Variants in RIC1 observed in about 807,000 individuals in gnomAD.
The protein encoded by RIC1 is RIC1 partner of RAB6A GEF complex.
Under a neutral mutation model 169.0 loss-of-function variants are expected in RIC1, and 88 were observed. The observed-to-expected ratio is 0.52, with a 90% CI of 0.44 to 0.62. The LOEUF (loss-of-function observed/expected upper bound fraction) is 0.62. RIC1 is among the 20% of genes least tolerant of loss of function. The probability of loss-of-function intolerance (pLI) is 0.00; values close to 1 mark genes in which losing one functional copy is unlikely to be tolerated. For synonymous variants in RIC1, 790 were observed against 601.5 expected (o/e 1.31, Z -4.59); for missense variants, 1,877 against 1,725.5 (o/e 1.09, Z -1.56).
chr9:5,771,101 T>G (rs1309492043), intron 23 of RIC1, among the ~76,000 whole-genome samples: 1 of 152,154 alleles, frequency 6.6e-6, no homozygotes, highest in African/African-American at 2.4e-5. Flanking sequence ...AGCTTAACCG[T>G]TTTTAAGCAG....
intron 6 of RIC1, among the ~76,000 whole-genome samples, chr9:5,721,698 T>G (rs1823599839): frequency 6.6e-6 from 1 of 152,226 alleles, no homozygotes; most frequent in Non-Finnish European, 1.5e-5. Context: ...AACTCCTGTC[T>G]CTGTCAGTAT....
intron 6 of RIC1, among the ~76,000 whole-genome samples, chr9:5,730,964 A>G (rs891291224): frequency 3.7e-4 from 57 of 152,232 alleles, no homozygotes; most frequent in African/African-American, 1.2e-3. Context: ...CATGCCAGAA[A>G]TGCTCCTACA....
At chr9:5,643,914 G>C (rs1034008359) in intron 1 of RIC1, among the ~76,000 whole-genome samples, 2 of 152,154 alleles carry the variant, frequency 1.3e-5, no homozygotes, top group African/African-American at 4.8e-5. Context: ...AATCAGAGAG[G>C]TTTCTTACCT....
intron 2 of RIC1, among the ~76,000 whole-genome samples, chr9:5,660,357 G>C (rs1819380317): frequency 6.6e-6 from 1 of 152,030 alleles, no homozygotes; most frequent in African/African-American, 2.4e-5. Context: ...TTATATTTTG[G>C]GGGGTATACC....
chr9:5,763,201 G>A lies in RIC1; in HGVS notation c.2174G>A (p.Arg725Gln), dbSNP rs984756545. The A allele has an allele frequency of 7.4e-6, 12 of 1,613,894 alleles. No individual in the cohort carries two copies. The highest frequency in any genetic ancestry group is 5.0e-5 in the Admixed American group (3 of 59,982). ...QSVENVWTTC[R>Q]ANKQKRHLLE... ...GTTGAAAATGTCTGGACAACGTGTC[G>A]AGCAAATAAACAGAAACGTCACCTT... Residue 725 changes from arginine (R) to glutamine (Q), a missense_variant, in exon 19 of 26, where the codon CGA becomes CAA. Physicochemically the swap from Arg to Gln is conservative, Grantham distance 43 (BLOSUM62 1). Around this residue, in one of 3 missense-constraint regions of RIC1, gnomAD observed 1,104 missense variants for 992.0 expected, o/e 1.11. Coordinates refer to ENST00000414202, the MANE Select transcript of RIC1 (RefSeq NM_020829.4). The surrounding 1 kb of genome is among the most constrained non-coding windows in gnomAD (Gnocchi z 5.2).
At chr9:5,655,391 C>G (rs892309941) in intron 1 of RIC1, among the ~76,000 whole-genome samples, 2 of 152,292 alleles carry the variant, frequency 1.3e-5, no homozygotes, top group South Asian at 2.1e-4. Context: ...ACCTCCACCT[C>G]TCAGGTTCAA....
chr9:5,644,043 G>A (rs1818382232), intron 1 of RIC1, among the ~76,000 whole-genome samples: 1 of 151,410 alleles, frequency 6.6e-6, no homozygotes, highest in Admixed American at 6.6e-5. Flanking sequence ...GGATATTATT[G>A]TAGATAATAC....
At chr9:5,651,121 C>G (rs1346803825) in intron 1 of RIC1, among the ~76,000 whole-genome samples, 1 of 152,176 alleles carries the variant, frequency 6.6e-6, no homozygotes, top group Non-Finnish European at 1.5e-5. Flanking sequence ...CTCTGGACCC[C>G]CTCTCTGTAA....
Position 5,765,505 on chromosome 9 carries a change from T to C in RIC1, c.2933T>C (p.Met978Thr). The C allele has an allele frequency of 6.2e-7, 1 of 1,614,200 alleles. No individual in the cohort carries two copies. The highest frequency in any genetic ancestry group is 8.5e-7 in the Non-Finnish European group (1 of 1,180,002). The change falls in exon 20 of 26, where the codon ATG becomes ACG. Residue 978 changes from methionine to threonine, a missense_variant. Met to Thr is a moderately conservative substitution (Grantham distance 81). Transcript: ENST00000414202. ...GGCAAGTGGGACCTTTGTCGACACA[T>C]GATTCGATTTCTTAAAGCCATTGGC... ...EQGKWDLCRHMIRFLKAIGSG... is the reference protein window; with the variant it reads ...EQGKWDLCRHTIRFLKAIGSG...
chr9:5,708,479 C>G (rs1312676230), intron 3 of RIC1, among the ~76,000 whole-genome samples: 1 of 152,088 alleles, frequency 6.6e-6, no homozygotes, highest in East Asian at 1.9e-4. Context: ...GACAAATTCC[C>G]TCAACTTTTT....
intron 3 of RIC1, among the ~76,000 whole-genome samples, chr9:5,712,044 A>C (rs1178971340): frequency 1.3e-5 from 2 of 152,144 alleles, no homozygotes; most frequent in Admixed American, 1.3e-4. Context: ...ATACATGCGC[A>C]TGTGTCTTTA....
intron 2 of RIC1, among the ~76,000 whole-genome samples, chr9:5,671,810 G>A (rs891475853): frequency 1.3e-5 from 2 of 152,158 alleles, no homozygotes; most frequent in Non-Finnish European, 2.9e-5. Context: ...AAGAATAGGT[G>A]CTGAAGGACC....
Position 5,635,188 on chromosome 9 carries a change from C to T in RIC1, c.144+5735C>T, listed in dbSNP as rs183256279. On this transcript the variant is annotated intron_variant, in intron 1 of 25. Transcript: ENST00000414202. ...AGAGATGTGGTCTTGCTGTGTTGCC[C>T]AGGCCGGTCTCAGACTCCTGGACAC... 2.0e-5 allele frequency among the ~76,000 whole-genome samples: 3 copies of T among 152,202 alleles called. No individual in the cohort carries two copies. The East Asian group carries it at 5.8e-4, about 29-fold the overall frequency.
chr9:5,733,117 A>G (rs1397911529), intron 7 of RIC1, among the ~76,000 whole-genome samples: 4 of 151,980 alleles, frequency 2.6e-5, no homozygotes, highest in African/African-American at 7.3e-5. Context: ...ATGCCTTGCA[A>G]TGTATATAGT....
intron 1 of RIC1, among the ~76,000 whole-genome samples, chr9:5,645,049 T>C (rs1818434395): frequency 6.6e-6 from 1 of 152,208 alleles, no homozygotes; most frequent in African/African-American, 2.4e-5. Flanking sequence ...TATTAGCCAT[T>C]TCGCTATACC....
At chr9:5,689,848 G>A in intron 2 of RIC1, 111 bp from the exon 3 acceptor site, 3 of 643,954 alleles carry the variant, frequency 4.7e-6, no homozygotes, top group Non-Finnish European at 7.9e-6. Flanking sequence ...CTCCAAGGGA[G>A]GGTATTGGAG....
intron 2 of RIC1, among the ~76,000 whole-genome samples, chr9:5,667,909 A>G (rs1301639745): frequency 6.6e-6 from 1 of 151,828 alleles, no homozygotes; most frequent in Non-Finnish European, 1.5e-5. Context: ...GCAGCACCCC[A>G]CTCTCTGCAG....
chr9:5,631,136 T>C (rs1419781367), intron 1 of RIC1, among the ~76,000 whole-genome samples: 4 of 152,200 alleles, frequency 2.6e-5, no homozygotes, highest in Non-Finnish European at 4.4e-5. Context: ...TTTAGGGACA[T>C]TGTGAATATT....
intron 2 of RIC1, among the ~76,000 whole-genome samples, chr9:5,676,049 T>A (rs1465828164): frequency 1.3e-5 from 2 of 152,214 alleles, no homozygotes; most frequent in Non-Finnish European, 2.9e-5. Context: ...ATTTATAGTT[T>A]AAATGATAAT....
Sources: gnomAD v4.1 joint callset for allele counts (sites outside exome capture counted in the v4.1 genomes callset) on GRCh38, gnomAD v4.1.1 for gene constraint, gnomAD v4.1.1 regional missense constraint, Gnocchi (gnomAD v3.1) non-coding constraint, MANE v1.5 for transcripts, NCBI Gene and HGNC (gene_info 2026-07-23, HGNC 2026-07-21) for gene names.